LINGO1: variants seen among roughly 807,000 people sequenced by gnomAD.
The protein encoded by LINGO1 is leucine-rich repeat and immunoglobulin-like domain-containing nogo receptor-interacting protein 1.
A neutral mutation model predicts 37.3 loss-of-function variants in LINGO1; 11 were observed. That is an observed-to-expected ratio of 0.29 (90% CI 0.19 to 0.49). The LOEUF (loss-of-function observed/expected upper bound fraction) is 0.49, where lower values mean the gene tolerates loss of function less well. Among genes scored for constraint, LINGO1 ranks in the 20% least tolerant of loss-of-function variants. The pLI is 0.99. For synonymous variants in LINGO1, 387 were observed against 403.0 expected (o/e 0.96, Z 0.48); for missense variants, 585 against 878.2 (o/e 0.67, Z 4.22).
chr15:77,807,752 C>T (rs766802541), intron 1 of LINGO1, among the ~76,000 whole-genome samples: 1 of 152,138 alleles, frequency 6.6e-6, no homozygotes, highest in Admixed American at 6.5e-5. Context: ...CCAACTATCA[C>T]AGCTTAAAAG....
chr15:77,635,160 C>T (rs2074371894), upstream of LINGO1, among the ~76,000 whole-genome samples: 1 of 152,206 alleles, frequency 6.6e-6, no homozygotes, highest in Non-Finnish European at 1.5e-5. Flanking sequence ...GACCACGGAG[C>T]TGTGTCTGGG....
chr15:77,641,375 G>T (rs2074502117), intron 3 of LINGO1, among the ~76,000 whole-genome samples: 1 of 152,222 alleles, frequency 6.6e-6, no homozygotes, highest in African/African-American at 2.4e-5. Flanking sequence ...CAAAAACGAA[G>T]GAGGGCTCCT....
intron 3 of LINGO1, among the ~76,000 whole-genome samples, chr15:77,645,667 G>C (rs2074609565): frequency 6.6e-6 from 1 of 152,214 alleles, no homozygotes. Context: ...TTCTGAGCCT[G>C]CCCGCACTCT....
intron 2 of LINGO1, among the ~76,000 whole-genome samples, chr15:77,723,323 T>A (rs182337400): frequency 2.2e-4 from 33 of 152,302 alleles, no homozygotes; most frequent in Middle Eastern, 3.4e-3. Context: ...CAGGCAGGCC[T>A]CCTGCTGAGC....
chr15:77,685,704 A>C (rs1310797745), intron 2 of LINGO1, among the ~76,000 whole-genome samples: 6 of 149,272 alleles, frequency 4.0e-5, no homozygotes, highest in Non-Finnish European at 5.9e-5. Flanking sequence ...AAAAAAAAAA[A>C]ACGCCAGGAA....
chr15:77,638,040 G>C (rs1042010942), upstream of LINGO1, among the ~76,000 whole-genome samples: 1 of 152,278 alleles, frequency 6.6e-6, no homozygotes, highest in East Asian at 1.9e-4. Flanking sequence ...CACTTGTCTA[G>C]AAGCAACGTA....
intron 3 of LINGO1, among the ~76,000 whole-genome samples, chr15:77,662,352 AGAGG>A (rs2075012765): frequency 6.6e-6 from 1 of 152,164 alleles, no homozygotes; most frequent in Non-Finnish European, 1.5e-5. Context: ...AAGGGCGGTC[AGAGG>A]GAGGAAGGAT....
chr15:77,795,590 C>T (rs2076866205), intron 2 of LINGO1, among the ~76,000 whole-genome samples: 1 of 152,202 alleles, frequency 6.6e-6, no homozygotes. Flanking sequence ...CATGTTCTGG[C>T]TCCCTCCTGA....
At chr15:77,755,105 C>T (rs988699799) in intron 1 of LINGO1, among the ~76,000 whole-genome samples, 4 of 152,200 alleles carry the variant, frequency 2.6e-5, no homozygotes, top group Non-Finnish European at 4.4e-5. Context: ...CCTACTAGGA[C>T]CAGACTGGAG....
chr15:77,732,741 G>A (rs906627177), intron 2 of LINGO1, among the ~76,000 whole-genome samples: 3 of 152,312 alleles, frequency 2.0e-5, no homozygotes, highest in Admixed American at 6.5e-5. Context: ...CTCTGCACTC[G>A]GACAGATGCC....
chr15:77,794,278 AT>A (rs2076840192), intron 2 of LINGO1, among the ~76,000 whole-genome samples: 1 of 96,186 alleles, frequency 1.0e-5, no homozygotes, highest in Non-Finnish European at 2.2e-5. Context: ...AAACATATAC[AT>A]ATATATATAT....
intron 1 of LINGO1, among the ~76,000 whole-genome samples, chr15:77,779,020 T>TCACACAGGCCAGGCA (rs1232694289): frequency 6.6e-6 from 1 of 152,070 alleles, no homozygotes; most frequent in Non-Finnish European, 1.5e-5. Context: ...TGGCTGCTCC[T>TCACACAGGCCAGGCA]CACACAGGCC....
chr15:77,764,806 C>T (rs935139427), intron 1 of LINGO1, among the ~76,000 whole-genome samples: 6 of 152,210 alleles, frequency 3.9e-5, no homozygotes, highest in African/African-American at 1.2e-4. Context: ...AGAGCAGTTC[C>T]ACTCCAAGAG....
At chr15:77,791,985 A>G (rs1314525493), upstream of LINGO1, among the ~76,000 whole-genome samples, 1 of 151,930 alleles carries the variant, frequency 6.6e-6, no homozygotes, top group African/African-American at 2.4e-5. Context: ...TTTCTTCTCT[A>G]CATCATCTTG....
chr15:77,686,070 T>C (rs2075505321), intron 2 of LINGO1, among the ~76,000 whole-genome samples: 1 of 151,778 alleles, frequency 6.6e-6, no homozygotes, highest in African/African-American at 2.4e-5. Context: ...TGGGTGTGAG[T>C]GCCTGGAAAT....
At chr15:77,682,732 C>G (rs2075438414) in intron 2 of LINGO1, among the ~76,000 whole-genome samples, 1 of 152,068 alleles carries the variant, frequency 6.6e-6, no homozygotes, top group African/African-American at 2.4e-5. Context: ...TGCCTGCAGT[C>G]CCCCAGCCAC....
At chr15:77,737,034 T>C (rs1429922681) in intron 1 of LINGO1, among the ~76,000 whole-genome samples, 1 of 152,194 alleles carries the variant, frequency 6.6e-6, no homozygotes, top group Non-Finnish European at 1.5e-5. Context: ...AGTGCTTAGG[T>C]GTTTCCAATT....
intron 1 of LINGO1, among the ~76,000 whole-genome samples, chr15:77,742,755 A>G (rs763815317): frequency 7.2e-5 from 11 of 152,248 alleles, no homozygotes; most frequent in Non-Finnish European, 1.3e-4. Context: ...TGTGCTGTCC[A>G]GGGAGAGTGG....
chr15:77,722,207 C>T (rs1488241985), intron 2 of LINGO1, among the ~76,000 whole-genome samples: 1 of 141,016 alleles, frequency 7.1e-6, no homozygotes, highest in African/African-American at 2.6e-5. Flanking sequence ...TAAAGCTCAG[C>T]ACACCGGCCA....
Sources: gnomAD v4.1 joint callset for allele counts (sites outside exome capture counted in the v4.1 genomes callset) on GRCh38, gnomAD v4.1.1 for gene constraint, MANE v1.5 for transcripts, NCBI Gene and HGNC (gene_info 2026-07-23, HGNC 2026-07-21) for gene names.